ADSS2: variants seen among roughly 807,000 people sequenced by gnomAD.
ADSS2 encodes adenylosuccinate synthase 2.
ADSS2 carries 30 observed loss-of-function variants against 60.0 expected under a neutral mutation model. The observed-to-expected ratio is 0.50, with a 90% CI of 0.37 to 0.68. ADSS2 has a LOEUF of 0.68. Ranked by LOEUF, ADSS2 falls within the 30% of genes least tolerant of loss-of-function variation. The probability of loss-of-function intolerance (pLI) is 0.00; values close to 1 mark genes in which losing one functional copy is unlikely to be tolerated. For missense variants in ADSS2, 373 were observed against 554.8 expected (o/e 0.67, Z 3.29); for synonymous variants, 187 against 193.1 (o/e 0.97, Z 0.26).
intron 10 of ADSS2, among the ~76,000 whole-genome samples, chr1:244,416,359 C>G (rs1433452834): frequency 6.6e-6 from 1 of 152,130 alleles, no homozygotes; most frequent in East Asian, 1.9e-4. Flanking sequence ...GCTTTGTCAC[C>G]CAGGCTGGAG....
chr1:244,441,727 C>T (rs377007771), intron 1 of ADSS2, among the ~76,000 whole-genome samples: 23 of 152,098 alleles, frequency 1.5e-4, no homozygotes, highest in East Asian at 5.8e-4. Context: ...GAGGCTGAGG[C>T]GGGTAGGTCA....
intron 7 of ADSS2, among the ~76,000 whole-genome samples, chr1:244,421,424 C>T (rs1313635789): frequency 6.6e-6 from 1 of 152,110 alleles, no homozygotes; most frequent in Non-Finnish European, 1.5e-5. Flanking sequence ...CACTCATGGG[C>T]TATAGTCTTC....
chr1:244,447,779 T>C (rs558875656), intron 1 of ADSS2, among the ~76,000 whole-genome samples: 2 of 152,312 alleles, frequency 1.3e-5, no homozygotes, highest in East Asian at 1.9e-4. Flanking sequence ...GTCAATTAAA[T>C]TGTCCAGAGA....
chr1:244,444,852 T>A (rs898993775), intron 1 of ADSS2, among the ~76,000 whole-genome samples: 11 of 152,272 alleles, frequency 7.2e-5, no homozygotes, highest in Admixed American at 4.6e-4. Flanking sequence ...ATGAGAACAA[T>A]CCAGAACAAA....
At chr1:244,441,276 T>A (rs1665241314) in intron 1 of ADSS2, among the ~76,000 whole-genome samples, 1 of 152,096 alleles carries the variant, frequency 6.6e-6, no homozygotes, top group Non-Finnish European at 1.5e-5. Context: ...GCCAGGATGG[T>A]CTCGATCTCC....
chr1:244,424,160 G>GT, intron 5 of ADSS2, 100 bp from the exon 6 acceptor site: 3 of 1,203,482 alleles, frequency 2.5e-6, no homozygotes, highest in Non-Finnish European at 3.5e-6. Flanking sequence ...ACTATTTTCT[G>GT]TTTATGTTAT....
Position 244,451,894 on chromosome 1 carries a change from C to G in ADSS2, c.-77G>C. ...AGCGAACTGAACTGCTCTGCGGCCG[C>G]CAGCCACATGCAGAGGAAGAAGGAG... On this transcript the variant is annotated 5_prime_UTR_variant, in exon 1 of 13. Transcript: ENST00000366535. The surrounding 1 kb of genome is among the most constrained non-coding windows in gnomAD (Gnocchi z 6.6). 7.2e-7 allele frequency: 1 copy of G among 1,380,002 alleles called. No individual in the cohort carries two copies. Among genetic ancestry groups the G allele is most frequent in the Non-Finnish European group, 9.5e-7 (1 of 1,052,060 alleles). The allele number at this position is 1,380,002 out of a possible 1,614,324, so 85.5% of individuals were successfully genotyped here.
rs1665205702 is a variant in ADSS2 at position 244,440,321 on chromosome 1, G to C, written c.184-2553C>G. Among the ~76,000 whole-genome samples, 3 of 152,064 alleles carry C rather than the reference G, an allele frequency of 2.0e-5. No individual in the cohort carries two copies. In the South Asian group the frequency reaches 6.2e-4, roughly 31 times the overall value. ...CAATTATGAGGTCACAAAAATGCTA[G>C]AAAAATAGGCCCTGCTAAAAAAAAT... On this transcript the variant is annotated intron_variant, in intron 1 of 12. Coordinates refer to ENST00000366535, the MANE Select transcript of ADSS2 (RefSeq NM_001126.5).
chr1:244,433,129 G>A (rs779725114), intron 3 of ADSS2, among the ~76,000 whole-genome samples: 2 of 152,002 alleles, frequency 1.3e-5, no homozygotes, highest in Admixed American at 6.5e-5. Flanking sequence ...CCAGCTACTC[G>A]GGTAGCTGTG....
chr1:244,418,751 T>C lies in ADSS2; in HGVS notation c.945+9A>G, dbSNP rs767834351. 1.3e-6 allele frequency: 2 copies of C among 1,580,690 alleles called. No individual in the cohort carries two copies. Among genetic ancestry groups the C allele is most frequent in the Admixed American group, 2.0e-5 (1 of 50,488 alleles). ...ATACATTTTGATTATTTACTTAGAA[T>C]AGGCTTACATTGTCTTGCTCTGTAG... On this transcript the variant is annotated intron_variant, in intron 9 of 12. Coordinates refer to ENST00000366535, the MANE Select transcript of ADSS2 (RefSeq NM_001126.5).
At chr1:244,418,702 A>G (rs1017484045) in intron 9 of ADSS2, 58 bp downstream of exon 9, 79 of 1,459,938 alleles carry the variant, frequency 5.4e-5, no homozygotes, top group Non-Finnish European at 7.1e-5. Context: ...ATTCATTAAG[A>G]AAAAAAAGAA....
At chr1:244,428,883 A>G (rs1220491303) in intron 4 of ADSS2, among the ~76,000 whole-genome samples, 1 of 152,302 alleles carries the variant, frequency 6.6e-6, no homozygotes, top group Non-Finnish European at 1.5e-5. Flanking sequence ...AATAAAATTC[A>G]TAACATTCAT....
At chr1:244,437,355 G>C (rs1346072630) in intron 2 of ADSS2, among the ~76,000 whole-genome samples, 2 of 152,130 alleles carry the variant, frequency 1.3e-5, no homozygotes, top group African/African-American at 2.4e-5. Context: ...AGTCATGGTT[G>C]AAAGTATTTG....
intron 1 of ADSS2, among the ~76,000 whole-genome samples, chr1:244,450,422 G>C (rs1010152156): frequency 6.6e-6 from 1 of 152,138 alleles, no homozygotes; most frequent in Admixed American, 6.5e-5. Context: ...AAAACAAAAC[G>C]AAACAAGGTA....
intron 4 of ADSS2, among the ~76,000 whole-genome samples, chr1:244,429,998 C>T (rs1286548106): frequency 6.6e-6 from 1 of 152,060 alleles, no homozygotes; most frequent in Non-Finnish European, 1.5e-5. Context: ...CATTAACACA[C>T]CCATTATGAC....
chr1:244,444,581 GA>G (rs1417355919), intron 1 of ADSS2, among the ~76,000 whole-genome samples: 1 of 147,484 alleles, frequency 6.8e-6, no homozygotes, highest in African/African-American at 2.5e-5. Context: ...TAATTACCAG[GA>G]AAAAATGTAT....
chr1:244,427,041 A>C (rs553239697), intron 4 of ADSS2, among the ~76,000 whole-genome samples: 4 of 152,220 alleles, frequency 2.6e-5, no homozygotes, highest in Non-Finnish European at 5.9e-5. Flanking sequence ...CCACCTAACT[A>C]ATCTGGATTT....
chr1:244,419,036 C>G, intron 8 of ADSS2, 122 bp from the exon 9 acceptor site: 3 of 894,320 alleles, frequency 3.4e-6, no homozygotes, highest in Non-Finnish European at 4.9e-6. Context: ...TGAACTGTAA[C>G]TGCCCTCTCA....
chr1:244,443,432 T>C (rs1665298128), intron 1 of ADSS2, among the ~76,000 whole-genome samples: 2 of 152,216 alleles, frequency 1.3e-5, no homozygotes, highest in Non-Finnish European at 2.9e-5. Context: ...CAATTAATAG[T>C]TATATAAACA....
Sources: allele counts gnomAD v4.1 joint callset (sites outside exome capture counted in the v4.1 genomes callset), GRCh38; gene constraint gnomAD v4.1.1; non-coding constraint Gnocchi (gnomAD v3.1); transcripts MANE v1.5; gene names NCBI Gene and HGNC (gene_info 2026-07-23, HGNC 2026-07-21).